The following SMAP1 variants were observed in gnomAD, a reference collection of about 807,000 sequenced individuals.
SMAP1 encodes small ArfGAP 1.
A neutral mutation model predicts 58.5 loss-of-function variants in SMAP1; 24 were observed. The observed-to-expected ratio is 0.41, with a 90% CI of 0.30 to 0.58. The LOEUF is 0.58. Ranked by LOEUF, SMAP1 falls within the 20% of genes least tolerant of loss-of-function variation. SMAP1 has a pLI of 0.29. For synonymous variants in SMAP1, 216 were observed against 196.6 expected (o/e 1.10, Z -0.82); for missense variants, 563 against 566.3 (o/e 0.99, Z 0.06).
At chr6:70,688,079 C>T (rs561610039) in intron 1 of SMAP1, among the ~76,000 whole-genome samples, 294 of 151,156 alleles carry the variant, frequency 1.9e-3, no homozygotes, top group Non-Finnish European at 3.2e-3. Context: ...CTTCTGGGAT[C>T]GGCCTTACTC....
chr6:70,807,611 T>G (rs559344900), intron 6 of SMAP1, among the ~76,000 whole-genome samples: 115 of 152,362 alleles, frequency 7.5e-4, no homozygotes, highest in African/African-American at 2.6e-3. Context: ...TTAATCAGAT[T>G]TTAATTTGTC....
intron 1 of SMAP1, among the ~76,000 whole-genome samples, chr6:70,713,675 C>T (rs991816324): frequency 6.6e-6 from 1 of 151,944 alleles, no homozygotes; most frequent in Non-Finnish European, 1.5e-5. Flanking sequence ...GTGATCTGTC[C>T]TGGAAAATAT....
intron 1 of SMAP1, among the ~76,000 whole-genome samples, chr6:70,680,256 A>G (rs1766645093): frequency 6.6e-6 from 1 of 152,220 alleles, no homozygotes; most frequent in South Asian, 2.1e-4. Flanking sequence ...CATGGGGGAA[A>G]ATCTCTGGGA....
At chr6:70,703,748 C>T (rs1225081570) in intron 1 of SMAP1, among the ~76,000 whole-genome samples, 1 of 152,154 alleles carries the variant, frequency 6.6e-6, no homozygotes, top group Non-Finnish European at 1.5e-5. Flanking sequence ...AAGGAGTTTT[C>T]TCTCTGTGCA....
intron 6 of SMAP1, among the ~76,000 whole-genome samples, chr6:70,822,064 T>C (rs1769915131): frequency 6.6e-6 from 1 of 152,186 alleles, no homozygotes; most frequent in Non-Finnish European, 1.5e-5. Context: ...GCATGCATGC[T>C]TTACAGTTCT....
intron 1 of SMAP1, among the ~76,000 whole-genome samples, chr6:70,691,027 A>T (rs576458263): frequency 1.3e-5 from 2 of 152,200 alleles, no homozygotes; most frequent in African/African-American, 4.8e-5. Context: ...ATATTAGGCC[A>T]TTCAGGTTAT....
At chr6:70,726,028 T>C (rs1331434580) in intron 1 of SMAP1, among the ~76,000 whole-genome samples, 24 of 152,204 alleles carry the variant, frequency 1.6e-4, no homozygotes, top group Admixed American at 1.6e-3. Context: ...GACACAGTAT[T>C]CACAGTTGCA....
intron 3 of SMAP1, among the ~76,000 whole-genome samples, chr6:70,757,173 A>G (rs375703665): frequency 3.2e-4 from 48 of 151,526 alleles, no homozygotes; most frequent in East Asian, 1.4e-3. Flanking sequence ...AAACAGAGAT[A>G]TAGATCAATG....
At chr6:70,678,972 A>G (rs1398114041) in intron 1 of SMAP1, among the ~76,000 whole-genome samples, 1 of 152,086 alleles carries the variant, frequency 6.6e-6, no homozygotes, top group Non-Finnish European at 1.5e-5. Flanking sequence ...TATTCTGCCT[A>G]ACAAAGTGGA....
intron 3 of SMAP1, among the ~76,000 whole-genome samples, chr6:70,764,269 G>C (rs1766870406): frequency 6.6e-6 from 1 of 152,126 alleles, no homozygotes; most frequent in Admixed American, 6.6e-5. Context: ...CAAGATGAAA[G>C]AGCAAGTTAT....
intron 1 of SMAP1, among the ~76,000 whole-genome samples, chr6:70,730,239 A>T (rs1765370522): frequency 6.6e-6 from 1 of 151,910 alleles, no homozygotes; most frequent in African/African-American, 2.4e-5. Context: ...TTTATTAGAG[A>T]CCACTGTGGT....
chr6:70,725,492 G>A (rs1040541205), intron 1 of SMAP1, among the ~76,000 whole-genome samples: 1 of 150,860 alleles, frequency 6.6e-6, no homozygotes, highest in African/African-American at 2.5e-5. Context: ...AGCAGTGAAG[G>A]GCTAGTCAGT....
chr6:70,786,575 C>T (rs1176213525), intron 4 of SMAP1, among the ~76,000 whole-genome samples: 2 of 151,536 alleles, frequency 1.3e-5, no homozygotes, highest in Admixed American at 6.6e-5. Flanking sequence ...AGCCCAAAAT[C>T]TCCTTAAGCT....
chr6:70,805,007 T>G (rs1362030745), intron 6 of SMAP1, among the ~76,000 whole-genome samples: 1 of 152,116 alleles, frequency 6.6e-6, no homozygotes, highest in African/African-American at 2.4e-5. Context: ...AGAGTATCTT[T>G]GTGGTGTTCT....
Position 70,667,938 on chromosome 6 carries a change from C to G in SMAP1, c.-86C>G. On this transcript the variant is annotated 5_prime_UTR_variant, in exon 1 of 11. Coordinates refer to ENST00000370455, the MANE Select transcript of SMAP1 (RefSeq NM_001044305.3). ...GGGCTGAGTCCGCCCGCGGTCCCGG[C>G]GGCGCCAGGTGCGTTCACTCTGCCC... is the stretch of plus-strand genomic sequence containing the variant. 1 of 1,183,996 alleles carries G rather than the reference C, an allele frequency of 8.4e-7. No homozygotes were observed. Among genetic ancestry groups the G allele is most frequent in the Non-Finnish European group, 1.2e-6 (1 of 852,384 alleles). 73.3% of individuals were successfully genotyped at this position (1,183,996 alleles called of 1,614,324 possible). A position where few individuals can be genotyped will look rare whatever the true frequency, so the allele number is the denominator to read the frequency against.
chr6:70,768,414 G>C (rs1767102768), intron 3 of SMAP1, among the ~76,000 whole-genome samples: 3 of 152,214 alleles, frequency 2.0e-5, no homozygotes, highest in Middle Eastern at 3.4e-3. Context: ...ATTGATTATT[G>C]CCACAATTTC....
chr6:70,732,258 A>G, intron 1 of SMAP1, 120 bp from the exon 2 acceptor site: 2 of 1,069,006 alleles, frequency 1.9e-6, no homozygotes, highest in Non-Finnish European at 2.6e-6. Context: ...AAATTTGAGC[A>G]TGTGACTTCT....
intron 6 of SMAP1, among the ~76,000 whole-genome samples, chr6:70,810,674 AG>A (rs1277063712): frequency 6.6e-6 from 1 of 152,120 alleles, no homozygotes; most frequent in Non-Finnish European, 1.5e-5. Flanking sequence ...ACTGGGCCCA[AG>A]GGAATCCTCC....
At chr6:70,810,709 G>A (rs759810288) in intron 6 of SMAP1, among the ~76,000 whole-genome samples, 1 of 152,124 alleles carries the variant, frequency 6.6e-6, no homozygotes, top group Non-Finnish European at 1.5e-5. Flanking sequence ...CAAGTAGCTA[G>A]GACTACAGGA....
Sources: allele counts gnomAD v4.1 joint callset (sites outside exome capture counted in the v4.1 genomes callset), GRCh38; gene constraint gnomAD v4.1.1; transcripts MANE v1.5; gene names NCBI Gene and HGNC (gene_info 2026-07-23, HGNC 2026-07-21).